MYO1D: variants seen among roughly 807,000 people sequenced by gnomAD.
MYO1D encodes the protein unconventional myosin-Id.
Under a neutral mutation model 122.0 loss-of-function variants are expected in MYO1D, and 83 were observed. That is an observed-to-expected ratio of 0.68 (90% CI 0.57 to 0.82). The LOEUF (loss-of-function observed/expected upper bound fraction) is 0.82. Ranked by LOEUF, MYO1D falls within the 40% of genes least tolerant of loss-of-function variation. The pLI, the probability that MYO1D is intolerant of heterozygous loss-of-function variation, is 0.00. For missense variants in MYO1D, 1,157 were observed against 1,269.5 expected, an observed-to-expected ratio of 0.91 and a Z score of 1.35; for synonymous variants, 464 against 446.9, an observed-to-expected ratio of 1.04 and a Z score of -0.48.
At chr17:32,725,485 C>T (rs556506360) in intron 14 of MYO1D, among the ~76,000 whole-genome samples, 1 of 151,152 alleles carries the variant, frequency 6.6e-6, no homozygotes, top group South Asian at 2.1e-4. Context: ...CGCGCCACTG[C>T]ACTCCAGCCT....
Position 32,780,548 on chromosome 17 carries a change from G to A in MYO1D, c.304+28C>T, listed in dbSNP as rs1379044301. 3 of 1,599,956 alleles carry A rather than the reference G, an allele frequency of 1.9e-6. No individual in the cohort carries two copies. The Admixed American group carries it at 5.0e-5, about 27-fold the overall frequency. On this transcript the variant is annotated intron_variant, in intron 2 of 21. Coordinates refer to ENST00000318217, the MANE Select transcript of MYO1D (RefSeq NM_015194.3). Reference sequence around the variant, plus strand: ...AACAAATTAAACACATTGTGACTTTGGAAATACAGGGGATCCCCTCCAATT... The same window carrying A: ...AACAAATTAAACACATTGTGACTTTAGAAATACAGGGGATCCCCTCCAATT...
chr17:32,500,439 ACT>A (rs1203448763), intron 21 of MYO1D, among the ~76,000 whole-genome samples: 11 of 152,032 alleles, frequency 7.2e-5, no homozygotes, highest in Non-Finnish European at 8.8e-5. Context: ...GCAGAGAGAT[ACT>A]CTGTTTTGCC....
At chr17:32,546,113 C>T (rs369072765) in intron 21 of MYO1D, among the ~76,000 whole-genome samples, 7 of 152,126 alleles carry the variant, frequency 4.6e-5, no homozygotes, top group East Asian at 1.9e-4. Context: ...TTCACACACC[C>T]GCCCTGGAGC....
Position 32,560,123 on chromosome 17 carries a change from C to T in MYO1D, c.2864+44964G>A, listed in dbSNP as rs1035738556. 2.6e-5 allele frequency among the ~76,000 whole-genome samples: 4 copies of T among 152,102 alleles called. No individual in the cohort carries two copies. In the East Asian group the frequency reaches 7.7e-4, roughly 29 times the overall value. On this transcript the variant is annotated intron_variant, in intron 21 of 21. Transcript: ENST00000318217. ...ATACAAAATTAGCCAGGTGTGGTGG[C>T]ATGTGCCTGTAATCCCAGCTACTCA...
rs113765475 is a variant in MYO1D at position 32,572,744 on chromosome 17, G to A, written c.2864+32343C>T. Among the ~76,000 whole-genome samples the A allele has an allele frequency of 4.3e-3, 655 of 151,976 alleles. 5 individuals are homozygous for A. Among genetic ancestry groups the A allele is most frequent in the Middle Eastern group, 0.017 (5 of 294 alleles). On this transcript the variant is annotated intron_variant, in intron 21 of 21. Transcript: ENST00000318217. ...TGCTCCAGCAACACAGGCACTTATC[G>A]TTCCACTGTCACAGGCTAATTTCCA...
intron 20 of MYO1D, among the ~76,000 whole-genome samples, chr17:32,624,876 C>T (rs368616360): frequency 1.3e-5 from 2 of 151,650 alleles, no homozygotes; most frequent in Non-Finnish European, 2.9e-5. Flanking sequence ...CTGCAACCTC[C>T]GCCTCCCGGG....
chr17:32,720,985 C>G, intron 15 of MYO1D, 38 bp downstream of exon 15: 1 of 1,587,062 alleles, frequency 6.3e-7, no homozygotes, highest in South Asian at 1.1e-5. Flanking sequence ...CTCCCTTATT[C>G]TCAGTGAACT....
chr17:32,745,300 T>G lies in MYO1D; in HGVS notation c.1539-15A>C. ...TGACAGAATAGCTAACAGGGAAAAATCACAGAAAACATGTATCATTTACCA... is the reference window on the plus strand; with the variant it reads ...TGACAGAATAGCTAACAGGGAAAAAGCACAGAAAACATGTATCATTTACCA... On this transcript the variant is annotated splice_polypyrimidine_tract_variant and intron_variant, in intron 12 of 21. Transcript: ENST00000318217. 3 of 1,494,984 alleles carry G rather than the reference T, an allele frequency of 2.0e-6. No homozygotes were observed. Among genetic ancestry groups the G allele is most frequent in the Non-Finnish European group, 2.8e-6 (3 of 1,087,368 alleles). 92.6% of individuals were successfully genotyped at this position (1,494,984 alleles called of 1,614,324 possible).
At chr17:32,730,234 T>G (rs767668544) in intron 14 of MYO1D, among the ~76,000 whole-genome samples, 15 of 152,078 alleles carry the variant, frequency 9.9e-5, no homozygotes, top group Non-Finnish European at 1.8e-4. Flanking sequence ...TCATCAGAGT[T>G]GAACGTTAAA....
At chr17:32,541,618 A>G (rs576374713) in intron 21 of MYO1D, among the ~76,000 whole-genome samples, 1 of 152,220 alleles carries the variant, frequency 6.6e-6, no homozygotes, top group Non-Finnish European at 1.5e-5. Flanking sequence ...AGTTAGCTAG[A>G]AAGTATCTAG....
At chr17:32,597,865 T>A (rs531886526) in intron 21 of MYO1D, among the ~76,000 whole-genome samples, 1 of 106,486 alleles carries the variant, frequency 9.4e-6, no homozygotes, top group South Asian at 2.9e-4. Context: ...CAAAACCCTG[T>A]CTCAAAAAAA....
At chr17:32,870,753 G>GTA (rs141298259) in intron 1 of MYO1D, among the ~76,000 whole-genome samples, 3,352 of 152,240 alleles carry the variant, frequency 0.022, 125 homozygotes, top group African/African-American at 0.077. Flanking sequence ...AGGATTAAAG[G>GTA]TAGGTTTGCT....
At chr17:32,563,915 G>T (rs1407054533) in intron 21 of MYO1D, among the ~76,000 whole-genome samples, 1 of 152,130 alleles carries the variant, frequency 6.6e-6, no homozygotes, top group African/African-American at 2.4e-5. Flanking sequence ...TGCTGATCTT[G>T]GTTTACTACA....
rs544393666 is a variant in MYO1D at position 32,745,558 on chromosome 17, A to G, written c.1539-273T>C. 1.7e-5 allele frequency: 5 copies of G among 300,580 alleles called. No homozygotes were observed. The South Asian group carries it at 2.0e-4, about 12-fold the overall frequency. 18.6% of individuals were successfully genotyped at this position (300,580 alleles called of 1,614,324 possible). The stretch of plus-strand genomic sequence containing the variant: ...GACTTTTTAAAAGATAGCTGTATTT[A>G]TCATCCAGCATTCCTAAGATAAAAG... On this transcript the variant is annotated intron_variant, in intron 12 of 21. Transcript: ENST00000318217.
intron 1 of MYO1D, among the ~76,000 whole-genome samples, chr17:32,865,184 G>A (rs1041000402): frequency 8.6e-5 from 13 of 152,016 alleles, no homozygotes; most frequent in African/African-American, 3.1e-4. Context: ...TTTTTTCATG[G>A]GATTTGACTT....
intron 21 of MYO1D, among the ~76,000 whole-genome samples, chr17:32,556,618 C>G (rs1406111052): frequency 6.7e-6 from 1 of 150,344 alleles, no homozygotes; most frequent in Non-Finnish European, 1.5e-5. Context: ...CTCCTGGGCT[C>G]AAGAGATCCT....
At chr17:32,541,197 A>G (rs537370961) in intron 21 of MYO1D, among the ~76,000 whole-genome samples, 36 of 152,366 alleles carry the variant, frequency 2.4e-4, no homozygotes, top group Non-Finnish European at 4.7e-4. Context: ...TTATCCACTG[A>G]CAAACAGGTG....
intron 1 of MYO1D, among the ~76,000 whole-genome samples, chr17:32,808,722 A>ACT (rs1235298500): frequency 6.6e-6 from 1 of 152,016 alleles, no homozygotes; most frequent in Non-Finnish European, 1.5e-5. Context: ...GAGCTAACAT[A>ACT]CTCTTTTTCC....
At chr17:32,740,578 A>C (rs564681147) in intron 13 of MYO1D, among the ~76,000 whole-genome samples, 1 of 152,280 alleles carries the variant, frequency 6.6e-6, no homozygotes, top group Admixed American at 6.5e-5. Flanking sequence ...TTCCAGGCTC[A>C]AGTGATACTC....
Sources: allele counts gnomAD v4.1 joint callset (sites outside exome capture counted in the v4.1 genomes callset), GRCh38; gene constraint gnomAD v4.1.1; transcripts MANE v1.5; gene names NCBI Gene and HGNC (gene_info 2026-07-23, HGNC 2026-07-21).